Variants in CRADD observed in about 807,000 individuals in gnomAD.
CRADD encodes the protein death domain-containing protein CRADD.
Under a neutral mutation model 15.5 loss-of-function variants are expected in CRADD, and 9 were observed. That is an observed-to-expected ratio of 0.58 (90% CI 0.35 to 1.01). The LOEUF is 1.01. CRADD is among the 50% of genes least tolerant of loss of function. The pLI, the probability that CRADD is intolerant of heterozygous loss-of-function variation, is 0.02. For missense variants in CRADD, 227 were observed against 250.3 expected, an observed-to-expected ratio of 0.91 and a Z score of 0.63; for synonymous variants, 118 against 107.6, an observed-to-expected ratio of 1.10 and a Z score of -0.60.
At chr12:93,678,668 A>T in intron 1 of CRADD, 101 bp from the exon 2 acceptor site, 1 of 1,262,384 alleles carries the variant, frequency 7.9e-7, no homozygotes. Flanking sequence ...GCTATGGTTT[A>T]AAGATGTGCT....
chr12:93,834,444 A>G (rs7976559), intron 2 of CRADD, among the ~76,000 whole-genome samples: 59,549 of 151,964 alleles, frequency 0.39, 12,399 homozygotes, highest in Middle Eastern at 0.49. Context: ...TTATTTTCAT[A>G]TAGTTGAAGT....
chr12:93,881,058 A>G (rs1958496147), intron 2 of CRADD, among the ~76,000 whole-genome samples: 2 of 152,362 alleles, frequency 1.3e-5, no homozygotes, highest in South Asian at 2.1e-4. Flanking sequence ...CCCAGTTCCA[A>G]GAAAGTGCAG....
chr12:93,694,225 A>T lies in CRADD; in HGVS notation c.298+15153A>T, dbSNP rs1458250250. ...CAGAATGAAGGACAAAAACTATATG[A>T]TCATCTCAATAGTTGCAGAAAAAGC... On this transcript the variant is annotated intron_variant, in intron 2 of 2. Transcript: ENST00000332896. 2.0e-5 allele frequency among the ~76,000 whole-genome samples: 3 copies of T among 152,124 alleles called. No homozygotes were observed. The East Asian group carries it at 5.8e-4, about 29-fold the overall frequency.
In CRADD at chr12:93,710,369, G is replaced by A. The variant is rs551827992; in HGVS notation, c.298+31297G>A. ...CCTTTTTTTTTTTTTTTTTTGAGAC[G>A]GAGTCTTGCTCTGTTGCCCAGGCTG... On this transcript the variant is annotated intron_variant, in intron 2 of 2. Transcript: ENST00000332896. Among the ~76,000 whole-genome samples the A allele has an allele frequency of 3.5e-4, 47 of 133,572 alleles. 2 individuals are homozygous for A. The highest frequency in any genetic ancestry group is 3.2e-3 in the South Asian group (13 of 4,108). 87.6% of individuals were successfully genotyped at this position (133,572 alleles called of 152,430 possible). A position where few individuals can be genotyped will look rare whatever the true frequency, so the allele number is the denominator to read the frequency against.
chr12:93,867,477 C>T (rs375925901), intron 2 of CRADD, among the ~76,000 whole-genome samples: 6 of 147,834 alleles, frequency 4.1e-5, no homozygotes, highest in Admixed American at 2.1e-4. Context: ...AATTTGCTCT[C>T]TTAATGACTA....
intron 2 of CRADD, among the ~76,000 whole-genome samples, chr12:93,689,167 T>G (rs1401914899): frequency 1.3e-5 from 2 of 152,218 alleles, no homozygotes; most frequent in African/African-American, 4.8e-5. Context: ...CCCCTGATAC[T>G]GGAATCCAGT....
chr12:93,854,231 TGG>T (rs1162305001), downstream of CRADD, among the ~76,000 whole-genome samples: 2 of 152,160 alleles, frequency 1.3e-5, no homozygotes. Context: ...GCTGGTGGGT[TGG>T]CTGAGGCAGG....
chr12:93,832,311 T>G (rs1957914893), intron 2 of CRADD, among the ~76,000 whole-genome samples: 1 of 152,176 alleles, frequency 6.6e-6, no homozygotes. Context: ...CTTGGTAAAT[T>G]TGCGTGACAT....
chr12:93,885,446 C>A (rs1395558936), intron 2 of CRADD, among the ~76,000 whole-genome samples: 1 of 149,132 alleles, frequency 6.7e-6, no homozygotes, highest in Non-Finnish European at 1.5e-5. Context: ...GCCCCCGCCA[C>A]CCCCCAGTCT....
intron 2 of CRADD, among the ~76,000 whole-genome samples, chr12:93,799,044 G>T (rs1320203789): frequency 6.6e-6 from 1 of 152,094 alleles, no homozygotes; most frequent in African/African-American, 2.4e-5. Context: ...GGAGGGAAGA[G>T]GGGGAGGGGA....
chr12:93,730,542 T>C (rs1956445412), intron 2 of CRADD, among the ~76,000 whole-genome samples: 1 of 152,188 alleles, frequency 6.6e-6, no homozygotes, highest in African/African-American at 2.4e-5. Flanking sequence ...TAAGAATTTG[T>C]CTGAAAGGAC....
chr12:93,688,176 T>G (rs893205208), intron 2 of CRADD, among the ~76,000 whole-genome samples: 8 of 152,188 alleles, frequency 5.3e-5, no homozygotes, highest in East Asian at 3.8e-4. Context: ...AGACTGGCTG[T>G]CTGTCTGCTC....
At chr12:93,851,853 T>C (rs1302239681), downstream of CRADD, among the ~76,000 whole-genome samples, 2 of 152,198 alleles carry the variant, frequency 1.3e-5, no homozygotes, top group African/African-American at 4.8e-5. Context: ...AATAAATTTA[T>C]GGAATGGTAG....
chr12:93,772,554 C>G (rs540200594), intron 2 of CRADD, among the ~76,000 whole-genome samples: 1 of 152,284 alleles, frequency 6.6e-6, no homozygotes, highest in East Asian at 1.9e-4. Context: ...AAATACTTGT[C>G]TAGAGATATG....
Position 93,850,454 on chromosome 12 carries a change from T to C in CRADD, c.*183T>C. The C allele has an allele frequency of 1.5e-6, 2 of 1,339,956 alleles. No homozygotes were observed. The highest frequency in any genetic ancestry group is 9.5e-7 in the Non-Finnish European group (1 of 1,052,800). 83.0% of individuals were successfully genotyped at this position (1,339,956 alleles called of 1,614,324 possible). A position where few individuals can be genotyped will look rare whatever the true frequency, so the allele number is the denominator to read the frequency against. On this transcript the variant is annotated 3_prime_UTR_variant, in exon 3 of 3. Coordinates refer to ENST00000332896, the MANE Select transcript of CRADD (RefSeq NM_003805.5). The surrounding 1 kb of genome is among the most constrained non-coding windows in gnomAD (Gnocchi z 4.0). ...GAAAGGCCAGATTACTCAGCAGATC[T>C]CCCATGTTGGCTCAACAATTCTTTG...
rs12304108 is a variant in CRADD at position 93,769,665 on chromosome 12, G to A, written c.299-80305G>A. Among the ~76,000 whole-genome samples, 778 of 152,280 alleles carry A rather than the reference G, an allele frequency of 5.1e-3. 2 individuals are homozygous for A. The highest frequency in any genetic ancestry group is 0.016 in the African/African-American group (646 of 41,554). On this transcript the variant is annotated intron_variant, in intron 2 of 2. Transcript: ENST00000332896. ...TCTTTGGCAACACTTGGTTTGGTCT[G>A]TCTTAACTGGTTTTATCCAAACTGG...
chr12:93,840,808 C>A (rs191663952), intron 2 of CRADD, among the ~76,000 whole-genome samples: 370 of 152,216 alleles, frequency 2.4e-3, no homozygotes, highest in Non-Finnish European at 4.5e-3. Flanking sequence ...CTAAGGTGAT[C>A]TGCCTGCCTC....
At chr12:93,788,961 A>AC in intron 2 of CRADD, among the ~76,000 whole-genome samples, 1 of 151,580 alleles carries the variant, frequency 6.6e-6, no homozygotes, top group East Asian at 1.9e-4. Context: ...CTTCCTTTGG[A>AC]CCCCTGGAGC....
chr12:93,839,339 T>C (rs1388092959), intron 2 of CRADD, among the ~76,000 whole-genome samples: 2 of 152,240 alleles, frequency 1.3e-5, no homozygotes, highest in Non-Finnish European at 2.9e-5. Flanking sequence ...TATCTATACC[T>C]ATATCTATAT....
Sources: gnomAD v4.1 joint callset for allele counts (sites outside exome capture counted in the v4.1 genomes callset) on GRCh38, gnomAD v4.1.1 for gene constraint, Gnocchi (gnomAD v3.1) non-coding constraint, MANE v1.5 for transcripts, NCBI Gene and HGNC (gene_info 2026-07-23, HGNC 2026-07-21) for gene names.